The following KIAA1217 variants were observed in gnomAD, a reference collection of about 807,000 sequenced individuals.
The protein encoded by KIAA1217 is sickle tail protein homolog.
A neutral mutation model predicts 163.9 loss-of-function variants in KIAA1217; 88 were observed. The observed-to-expected ratio is 0.54, with a 90% CI of 0.45 to 0.64. The LOEUF (loss-of-function observed/expected upper bound fraction) is 0.64, where lower values mean the gene tolerates loss of function less well. KIAA1217 is among the 30% of genes least tolerant of loss of function. The pLI is 0.00. For missense variants in KIAA1217, 2,372 were observed against 2,475.0 expected, an observed-to-expected ratio of 0.96 and a Z score of 0.88; for synonymous variants, 903 against 923.1, an observed-to-expected ratio of 0.98 and a Z score of 0.39.
Position 24,450,337 on chromosome 10 carries a change from T to C in KIAA1217, c.846+11858T>C, listed in dbSNP as rs2061290988. Among the ~76,000 whole-genome samples the C allele has an allele frequency of 2.6e-5, 4 of 152,220 alleles. No individual in the cohort carries two copies. The South Asian group carries it at 8.3e-4, about 31-fold the overall frequency. ...TAAAGAAATAGCAGTTTAATCTGTA[T>C]GAAATCACATTAAAAACTTCTACAG... On this transcript the variant is annotated intron_variant, in intron 5 of 20. Transcript: ENST00000376454.
In KIAA1217 at chr10:24,536,961, G is replaced by A. The variant is rs958224580; in HGVS notation, c.3534+68G>A. The A allele has an allele frequency of 3.5e-5, 56 of 1,581,004 alleles. No homozygotes were observed. The South Asian group carries it at 5.5e-4, about 16-fold the overall frequency. On this transcript the variant is annotated intron_variant, in intron 17 of 20. Coordinates refer to ENST00000376454, the MANE Select transcript of KIAA1217 (RefSeq NM_019590.5). Reference sequence around the variant, plus strand: ...TCCTTCCTTGCTCTGACACTAACACGGCTCTTATACTCGACCTTTGTCCCC... The same window carrying A: ...TCCTTCCTTGCTCTGACACTAACACAGCTCTTATACTCGACCTTTGTCCCC...
intron 5 of KIAA1217, among the ~76,000 whole-genome samples, chr10:24,439,674 T>G (rs2060332854): frequency 6.6e-6 from 1 of 151,604 alleles, no homozygotes; most frequent in Admixed American, 6.6e-5. Context: ...TCCCCCAACT[T>G]CTAGAGGTCA....
chr10:24,223,012 T>G (rs1051013541), intron 2 of KIAA1217, among the ~76,000 whole-genome samples: 1 of 152,064 alleles, frequency 6.6e-6, no homozygotes, highest in Non-Finnish European at 1.5e-5. Context: ...ATGGCAGTGG[T>G]GGGAGTGTAG....
chr10:23,794,829 T>A (rs1475055006), intron 1 of KIAA1217, among the ~76,000 whole-genome samples: 2 of 152,246 alleles, frequency 1.3e-5, no homozygotes, highest in African/African-American at 4.8e-5. Context: ...TAAAGATACA[T>A]CTTTTATCTG....
intron 2 of KIAA1217, among the ~76,000 whole-genome samples, chr10:24,098,547 T>C (rs773119097): frequency 9.2e-5 from 14 of 152,112 alleles, no homozygotes; most frequent in Non-Finnish European, 1.6e-4. Context: ...TGATACCCTC[T>C]GTGGGGCAGG....
At chr10:23,761,410 C>G (rs994139581) in intron 1 of KIAA1217, among the ~76,000 whole-genome samples, 1 of 152,200 alleles carries the variant, frequency 6.6e-6, no homozygotes, top group Non-Finnish European at 1.5e-5. Context: ...AAATTTCCCT[C>G]TTAACAGTGC....
Position 24,273,462 on chromosome 10 carries a change from A to G in KIAA1217, c.354+53553A>G, listed in dbSNP as rs79518637. Among the ~76,000 whole-genome samples the G allele has an allele frequency of 9.7e-3, 1,481 of 152,262 alleles. 21 individuals carry two copies. The highest frequency in any genetic ancestry group is 0.034 in the African/African-American group (1,407 of 41,540). On this transcript the variant is annotated intron_variant, in intron 2 of 20. Transcript: ENST00000376454. ...TTTTGGAGTACTCAAGGTAAATGACATGGCAGAATCTGTCCCAGTCCAGTG... is the reference window on the plus strand; with the variant it reads ...TTTTGGAGTACTCAAGGTAAATGACGTGGCAGAATCTGTCCCAGTCCAGTG...
At chr10:23,990,730 T>G (rs1375675344) in intron 1 of KIAA1217, among the ~76,000 whole-genome samples, 1 of 152,190 alleles carries the variant, frequency 6.6e-6, no homozygotes, top group Non-Finnish European at 1.5e-5. Flanking sequence ...AATAAAAATG[T>G]AAGGAACTGT....
At chr10:24,404,158 C>T (rs2056902865) in intron 3 of KIAA1217, among the ~76,000 whole-genome samples, 1 of 152,134 alleles carries the variant, frequency 6.6e-6, no homozygotes, top group African/African-American at 2.4e-5. Context: ...AGGGTTTCAC[C>T]ATGCTACGCA....
chr10:23,755,766 A>G (rs907800977), intron 1 of KIAA1217, among the ~76,000 whole-genome samples: 1 of 152,176 alleles, frequency 6.6e-6, no homozygotes, highest in Non-Finnish European at 1.5e-5. Context: ...TTGCGAGCTA[A>G]TAATTACAAG....
chr10:24,174,420 G>A (rs987512856), intron 2 of KIAA1217, among the ~76,000 whole-genome samples: 1 of 152,174 alleles, frequency 6.6e-6, no homozygotes, highest in Non-Finnish European at 1.5e-5. Context: ...GTATGTGCAT[G>A]CTTGTGGACA....
In KIAA1217 at chr10:23,952,033, G is replaced by A. The variant is rs117112406; in HGVS notation, c.-320-55192G>A. Among the ~76,000 whole-genome samples, 959 of 152,236 alleles carry A rather than the reference G, an allele frequency of 6.3e-3. 6 individuals carry two copies. Among genetic ancestry groups the A allele is most frequent in the Middle Eastern group, 0.024 (7 of 294 alleles). On this transcript the variant is annotated intron_variant, in intron 1 of 18. Transcript: ENST00000376462. ...CTTAAAGGATTAGAAGAATTCACCCGCCTTCCCGAAAGGCTGATGTTTCCC... is the reference window on the plus strand; with the variant it reads ...CTTAAAGGATTAGAAGAATTCACCCACCTTCCCGAAAGGCTGATGTTTCCC...
chr10:24,424,750 A>G (rs1402915826), intron 3 of KIAA1217, among the ~76,000 whole-genome samples: 6 of 152,084 alleles, frequency 3.9e-5, no homozygotes, highest in Non-Finnish European at 8.8e-5. Context: ...TTAGAGGCAC[A>G]TGCCACCATG....
chr10:24,019,405 T>A (rs11013852), intron 2 of KIAA1217, among the ~76,000 whole-genome samples: 2 of 145,754 alleles, frequency 1.4e-5, no homozygotes, highest in African/African-American at 5.0e-5. Context: ...GCAAAAAAAA[T>A]TTAAAAAATA....
At chr10:24,340,118 G>C (rs1478997869) in intron 2 of KIAA1217, among the ~76,000 whole-genome samples, 3 of 152,232 alleles carry the variant, frequency 2.0e-5, no homozygotes, top group South Asian at 4.1e-4. Flanking sequence ...AGAATGGCTA[G>C]ACTGACAGCC....
intron 3 of KIAA1217, among the ~76,000 whole-genome samples, chr10:24,430,665 A>G (rs992751823): frequency 3.9e-5 from 6 of 152,154 alleles, no homozygotes; most frequent in Admixed American, 3.9e-4. Context: ...ATCATCAGGC[A>G]TGGGATTCTC....
At chr10:24,408,880 C>T (rs79347784) in intron 3 of KIAA1217, among the ~76,000 whole-genome samples, 2,944 of 151,622 alleles carry the variant, frequency 0.019, 60 homozygotes, top group African/African-American at 0.047. Flanking sequence ...TACGCTCATT[C>T]TTAAACTGAC....
At chr10:23,736,373 C>T (rs1469103601) in intron 1 of KIAA1217, among the ~76,000 whole-genome samples, 1 of 152,162 alleles carries the variant, frequency 6.6e-6, no homozygotes, top group Non-Finnish European at 1.5e-5. Context: ...TTGTCCCTCC[C>T]TTTTCATGTG....
At chr10:24,324,167 C>T (rs761411552) in intron 2 of KIAA1217, among the ~76,000 whole-genome samples, 20 of 152,020 alleles carry the variant, frequency 1.3e-4, no homozygotes, top group Non-Finnish European at 2.5e-4. Context: ...ACCACGGAGG[C>T]TGAGACAGGA....
Sources: gnomAD v4.1 joint callset for allele counts (sites outside exome capture counted in the v4.1 genomes callset) on GRCh38, gnomAD v4.1.1 for gene constraint, MANE v1.5 for transcripts, NCBI Gene and HGNC (gene_info 2026-07-23, HGNC 2026-07-21) for gene names.